The following LRMDA variants were observed in gnomAD, a reference collection of about 807,000 sequenced individuals.
LRMDA encodes leucine rich melanocyte differentiation associated.
Under a neutral mutation model 29.8 loss-of-function variants are expected in LRMDA, and 18 were observed. That is an observed-to-expected ratio of 0.60 (90% CI 0.42 to 0.90). The LOEUF (loss-of-function observed/expected upper bound fraction) is 0.90. Among genes scored for constraint, LRMDA ranks in the 40% least tolerant of loss-of-function variants. The pLI, the probability that LRMDA is intolerant of heterozygous loss-of-function variation, is 0.00. For missense variants in LRMDA, 273 were observed against 273.9 expected, an observed-to-expected ratio of 1.00 and a Z score of 0.02; for synonymous variants, 125 against 109.4, an observed-to-expected ratio of 1.14 and a Z score of -0.89.
chr10:76,053,872 G>A (rs1206775058), intron 4 of LRMDA, among the ~76,000 whole-genome samples: 1 of 152,194 alleles, frequency 6.6e-6, no homozygotes, highest in African/African-American at 2.4e-5. Flanking sequence ...AGCAGCATCA[G>A]CATCACCTGG....
At chr10:75,561,160 G>A (rs1333652726) in intron 2 of LRMDA, among the ~76,000 whole-genome samples, 1 of 151,476 alleles carries the variant, frequency 6.6e-6, no homozygotes, top group South Asian at 2.1e-4. Flanking sequence ...AATCCATCTG[G>A]TCCTGGACTC....
At chr10:76,109,748 C>A (rs1849545914) in intron 5 of LRMDA, among the ~76,000 whole-genome samples, 1 of 152,224 alleles carries the variant, frequency 6.6e-6, no homozygotes. Context: ...ATGGACCTCT[C>A]AGTGCATATC....
intron 6 of LRMDA, among the ~76,000 whole-genome samples, chr10:76,428,563 G>A (rs956488419): frequency 2.6e-5 from 4 of 152,100 alleles, no homozygotes; most frequent in African/African-American, 9.7e-5. Flanking sequence ...CAGAGACTTG[G>A]CCTAGACTTT....
chr10:75,789,642 G>T (rs1473583303), intron 2 of LRMDA, among the ~76,000 whole-genome samples: 1 of 152,136 alleles, frequency 6.6e-6, no homozygotes, highest in African/African-American at 2.4e-5. Flanking sequence ...TAGCATATCA[G>T]ATCCTTTAGT....
Position 76,340,785 on chromosome 10 carries a change from C to T in LRMDA, c.601+16300C>T, listed in dbSNP as rs954958990. ...TGAGATATACAACAACAACACAGAG[C>T]GCAATAAAGATTGGGGTAAATTCAG... On this transcript the variant is annotated intron_variant, in intron 6 of 6. Coordinates refer to ENST00000611255, the MANE Select transcript of LRMDA (RefSeq NM_001305581.2). Among the ~76,000 whole-genome samples the T allele has an allele frequency of 1.3e-5, 2 of 152,078 alleles. 1 individual carries two copies.
intron 2 of LRMDA, among the ~76,000 whole-genome samples, chr10:75,839,545 T>C (rs1343111188): frequency 7.4e-6 from 1 of 135,492 alleles, no homozygotes; most frequent in Non-Finnish European, 1.5e-5. Flanking sequence ...TATTTTTCCT[T>C]TTTTTTTTTT....
At chr10:76,482,866 G>A (rs555636980) in intron 6 of LRMDA, among the ~76,000 whole-genome samples, 10 of 152,006 alleles carry the variant, frequency 6.6e-5, no homozygotes, top group African/African-American at 2.2e-4. Context: ...GAGAATTTTC[G>A]GTTTCTCCAC....
chr10:75,879,942 T>C (rs952708937), intron 2 of LRMDA, among the ~76,000 whole-genome samples: 5 of 152,192 alleles, frequency 3.3e-5, no homozygotes, highest in African/African-American at 9.6e-5. Context: ...AATTTCCTGG[T>C]ATGATTAGCT....
At chr10:75,767,004 T>C (rs1843178011) in intron 2 of LRMDA, among the ~76,000 whole-genome samples, 1 of 152,248 alleles carries the variant, frequency 6.6e-6, no homozygotes. Flanking sequence ...TAATATTCCA[T>C]GGTGTATATG....
chr10:75,460,709 G>A (rs1040311105), intron 2 of LRMDA, among the ~76,000 whole-genome samples: 2 of 151,952 alleles, frequency 1.3e-5, no homozygotes, highest in African/African-American at 4.8e-5. Context: ...TGTATAAAAG[G>A]TCTTGACTTC....
intron 2 of LRMDA, among the ~76,000 whole-genome samples, chr10:75,665,091 A>G (rs1431336705): frequency 3.3e-5 from 5 of 152,190 alleles, no homozygotes; most frequent in Non-Finnish European, 7.3e-5. Flanking sequence ...TCCATAGAAG[A>G]AATAATTTTT....
At chr10:75,544,762 G>C (rs936212576) in intron 2 of LRMDA, among the ~76,000 whole-genome samples, 1 of 151,864 alleles carries the variant, frequency 6.6e-6, no homozygotes. Context: ...CAATCGAAAT[G>C]TTTTCATTTT....
chr10:75,665,586 A>C (rs1030588456), intron 2 of LRMDA, among the ~76,000 whole-genome samples: 3 of 151,568 alleles, frequency 2.0e-5, no homozygotes, highest in African/African-American at 7.3e-5. Flanking sequence ...TTCTGAAAAC[A>C]AAACTTTAAA....
chr10:75,445,811 G>A (rs543381083), intron 2 of LRMDA, among the ~76,000 whole-genome samples: 1 of 152,362 alleles, frequency 6.6e-6, no homozygotes, highest in Admixed American at 6.5e-5. Context: ...AAAAGCGAGA[G>A]GGTTTAATTG....
intron 5 of LRMDA, among the ~76,000 whole-genome samples, chr10:76,248,985 C>T (rs983065033): frequency 4.6e-5 from 7 of 152,136 alleles, no homozygotes; most frequent in Middle Eastern, 3.2e-3. Context: ...GAAATCTAAC[C>T]ATGTTCCTTA....
At chr10:75,669,458 A>G (rs184221037) in intron 2 of LRMDA, among the ~76,000 whole-genome samples, 1 of 152,328 alleles carries the variant, frequency 6.6e-6, no homozygotes, top group Admixed American at 6.5e-5. Flanking sequence ...CTGCATTTAG[A>G]CACCAAGGGT....
chr10:75,538,989 T>G (rs1018587597), intron 2 of LRMDA, among the ~76,000 whole-genome samples: 1 of 152,220 alleles, frequency 6.6e-6, no homozygotes, highest in Non-Finnish European at 1.5e-5. Flanking sequence ...TAGTGTTGCT[T>G]GCATGCAATT....
rs73285275 is a variant in LRMDA, at chr10:76,159,113, G to A, written c.516+100330G>A. 9.3e-3 allele frequency among the ~76,000 whole-genome samples: 1,416 copies of A among 152,104 alleles called. 22 individuals are homozygous for A. The highest frequency in any genetic ancestry group is 0.031 in the African/African-American group (1,278 of 41,522). On this transcript the variant is annotated intron_variant, in intron 5 of 6. Coordinates refer to ENST00000611255, the MANE Select transcript of LRMDA (RefSeq NM_001305581.2). ...GATGTTGAACTTTAAAAACTGATTC[G>A]TGTTCTTTATTTTTTAATTTGGAAA...
intron 2 of LRMDA, among the ~76,000 whole-genome samples, chr10:75,460,825 AATTG>A (rs1449933831): frequency 6.6e-6 from 1 of 152,038 alleles, no homozygotes; most frequent in Non-Finnish European, 1.5e-5. Context: ...CCCATTTTCT[AATTG>A]ATTGACATAT....
Sources: gnomAD v4.1 joint callset for allele counts (sites outside exome capture counted in the v4.1 genomes callset) on GRCh38, gnomAD v4.1.1 for gene constraint, MANE v1.5 for transcripts, NCBI Gene and HGNC (gene_info 2026-07-23, HGNC 2026-07-21) for gene names.